ITSN2: variants seen among roughly 807,000 people sequenced by gnomAD.
ITSN2 encodes the protein intersectin 2.
In ITSN2, 156 loss-of-function variants were observed where a neutral mutation model predicts 243.7. The observed-to-expected ratio is 0.64, with a 90% confidence interval of 0.56 to 0.73. ITSN2 has a LOEUF of 0.73. ITSN2 is among the 30% of genes least tolerant of loss of function. ITSN2 has a pLI of 0.00. For synonymous variants in ITSN2, 703 were observed against 699.9 expected (o/e 1.00, Z -0.07); for missense variants, 1,801 against 1,996.1 (o/e 0.90, Z 1.86).
chr2:24,271,813 T>C lies in ITSN2; in HGVS notation c.2210A>G (p.Glu737Gly). The C allele has an allele frequency of 6.2e-7, 1 of 1,607,970 alleles. No individual in the cohort carries two copies. The highest frequency in any genetic ancestry group is 2.2e-5 in the East Asian group (1 of 44,780). ...KIQEEERKAE[E>G]KQRKDKDTLK... Reference sequence around the variant, plus strand: ...AGTATCCTTATCCTTACGTTGTTTCTCCTCAGCTTTCCGTTCCTCTTCTTG... The same window carrying C: ...AGTATCCTTATCCTTACGTTGTTTCCCCTCAGCTTTCCGTTCCTCTTCTTG... The change falls in exon 19 of 40, where the codon GAG becomes GGG. Residue 737 changes from glutamate (E) to glycine (G), a missense_variant. Physicochemically the swap from Glu to Gly is moderately conservative, Grantham distance 98 (BLOSUM62 -2). Coordinates refer to ENST00000355123, the MANE Select transcript of ITSN2 (RefSeq NM_006277.3).
intron 17 of ITSN2, among the ~76,000 whole-genome samples, chr2:24,282,828 T>C (rs536482696): frequency 6.6e-6 from 1 of 152,208 alleles, no homozygotes; most frequent in African/African-American, 2.4e-5. Context: ...TTCATAACCA[T>C]CTTCTCCCCG....
rs760932535 is a variant in ITSN2, at chr2:24,257,876, A to G, written c.2888+12T>C. On this transcript the variant is annotated intron_variant, in intron 23 of 39. Transcript: ENST00000355123. Reference sequence around the variant, plus strand: ...ACATCCACATCTCATGAAAACACATAAAGATGCTTACTCTTCCCGTTTTAC... The same window carrying G: ...ACATCCACATCTCATGAAAACACATGAAGATGCTTACTCTTCCCGTTTTAC... 3 of 1,598,140 alleles carry G rather than the reference A, an allele frequency of 1.9e-6. No homozygotes were observed. Among genetic ancestry groups the G allele is most frequent in the Non-Finnish European group, 2.6e-6 (3 of 1,165,570 alleles).
intron 23 of ITSN2, 48 bp downstream of exon 23, chr2:24,257,840 T>A: frequency 7.2e-7 from 1 of 1,394,158 alleles, no homozygotes. Context: ...GACTCATTAG[T>A]GAAAATACCA....
chr2:24,261,828 T>C (rs1454591111), intron 20 of ITSN2, 86 bp from the exon 21 acceptor site: 2 of 986,446 alleles, frequency 2.0e-6, no homozygotes, highest in Non-Finnish European at 2.9e-6. Context: ...TATAGTATTC[T>C]CATTTTCAGA....
rs756515465 is a variant in ITSN2, at chr2:24,301,226, T to C, written c.1009A>G (p.Ile337Val). 6.2e-7 allele frequency: 1 copy of C among 1,605,260 alleles called. No homozygotes were observed. Among genetic ancestry groups the C allele is most frequent in the Non-Finnish European group, 8.5e-7 (1 of 1,174,576 alleles). ...GGCAGAGTTCCATTAATGGAATCAA[T>C]TTGCTTTCCTCCTCTAAAAAAATCA... ...VPPSFRGGKQ[I>V]DSINGTLPSY... is the part of the protein sequence containing the mutation. The change falls in exon 11 of 40, where the codon ATT becomes GTT. Residue 337 changes from isoleucine (I) to valine (V), a missense_variant. Transcript: ENST00000355123.
At chr2:24,229,051 CA>C (rs1400669368) in intron 29 of ITSN2, among the ~76,000 whole-genome samples, 1 of 432 alleles carries the variant, frequency 2.3e-3, no homozygotes. Context: ...TTGCAACTAA[CA>C]GGAAAGCCTC....
intron 2 of ITSN2, among the ~76,000 whole-genome samples, chr2:24,315,990 T>C (rs912446805): frequency 1.4e-4 from 22 of 152,052 alleles, no homozygotes; most frequent in African/African-American, 5.1e-4. Flanking sequence ...GCACCAAGGA[T>C]GAGATAACAG....
chr2:24,358,080 A>AT (rs1688616614), intron 1 of ITSN2, among the ~76,000 whole-genome samples: 2 of 152,082 alleles, frequency 1.3e-5, no homozygotes, highest in Non-Finnish European at 2.9e-5. Flanking sequence ...TGCCAGGCTA[A>AT]TTTTTTGTAT....
chr2:24,207,075 C>T (rs1467128468), intron 37 of ITSN2, among the ~76,000 whole-genome samples: 3 of 151,852 alleles, frequency 2.0e-5, no homozygotes, highest in Non-Finnish European at 4.4e-5. Flanking sequence ...TGGGGATGGG[C>T]CCTGAGTGTG....
At chr2:24,360,985 G>T (rs1688947032), upstream of ITSN2, among the ~76,000 whole-genome samples, 1 of 152,194 alleles carries the variant, frequency 6.6e-6, no homozygotes, top group Non-Finnish European at 1.5e-5. Flanking sequence ...GGAATTGGGG[G>T]GTGGAAGGTG....
intron 4 of ITSN2, among the ~76,000 whole-genome samples, 173 bp from the exon 5 acceptor site, chr2:24,312,548 A>G (rs1401896710): frequency 2.0e-5 from 3 of 152,198 alleles, no homozygotes; most frequent in Non-Finnish European, 2.9e-5. Flanking sequence ...TAAAACCTAC[A>G]CTTTAAGAAA....
intron 1 of ITSN2, among the ~76,000 whole-genome samples, chr2:24,353,983 C>T (rs1181813651): frequency 6.6e-6 from 1 of 152,172 alleles, no homozygotes; most frequent in East Asian, 1.9e-4. Flanking sequence ...TTCAGTTAGA[C>T]CACATAATAA....
intron 37 of ITSN2, 145 bp from the exon 38 acceptor site, chr2:24,205,442 CTT>C: frequency 1.5e-6 from 1 of 646,516 alleles, no homozygotes; most frequent in South Asian, 1.7e-5. Context: ...TGCCCTGTGC[CTT>C]TCCCCAGGCT....
intron 20 of ITSN2, 38 bp from the exon 21 acceptor site, chr2:24,261,780 A>G (rs377243571): frequency 2.1e-5 from 31 of 1,453,320 alleles, no homozygotes; most frequent in African/African-American, 2.8e-5. Flanking sequence ...GTGCTTAGAA[A>G]TTCACACATT....
At chr2:24,350,968 G>C (rs749708650) in intron 1 of ITSN2, among the ~76,000 whole-genome samples, 1 of 152,084 alleles carries the variant, frequency 6.6e-6, no homozygotes, top group Non-Finnish European at 1.5e-5. Context: ...AAAAAACACT[G>C]AACTGTAAAC....
chr2:24,204,507 C>A lies in ITSN2; in HGVS notation c.4763-89G>T. 8.5e-7 allele frequency: 1 copy of A among 1,179,340 alleles called. No homozygotes were observed. Among genetic ancestry groups the A allele is most frequent in the Non-Finnish European group, 1.3e-6 (1 of 786,056 alleles). The allele number at this position is 1,179,340 out of a possible 1,614,324, so 73.1% of individuals were successfully genotyped here. A position where few individuals can be genotyped will look rare whatever the true frequency, so the allele number is the denominator to read the frequency against. ...CCCTCCCTGAGCAGAAGCAGGATTC[C>A]AATAATGGGTCACTCGAGACCATGG... On this transcript the variant is annotated intron_variant, in intron 38 of 39. Coordinates refer to ENST00000355123, the MANE Select transcript of ITSN2 (RefSeq NM_006277.3). This position sits in a 1 kb window ranked among gnomAD's most constrained non-coding sequence, Gnocchi z 5.1.
At chr2:24,203,860 G>A in intron 39 of ITSN2, 77 bp from the exon 40 acceptor site, 2 of 1,443,250 alleles carry the variant, frequency 1.4e-6, no homozygotes, top group Non-Finnish European at 1.9e-6. Flanking sequence ...GGAAGAAGTG[G>A]ATTCATAAAA....
chr2:24,303,231 G>T (rs1682020477), intron 9 of ITSN2, among the ~76,000 whole-genome samples: 1 of 152,128 alleles, frequency 6.6e-6, no homozygotes, highest in African/African-American at 2.4e-5. Context: ...ATTCCAGAAG[G>T]CATTGTTATC....
chr2:24,303,227 G>A (rs1274055043), intron 9 of ITSN2, among the ~76,000 whole-genome samples: 3 of 152,078 alleles, frequency 2.0e-5, no homozygotes, highest in East Asian at 3.8e-4. Flanking sequence ...AGAAATTCCA[G>A]AAGGCATTGT....
Sources: gnomAD v4.1 joint callset for allele counts (sites outside exome capture counted in the v4.1 genomes callset) on GRCh38, gnomAD v4.1.1 for gene constraint, Gnocchi (gnomAD v3.1) non-coding constraint, MANE v1.5 for transcripts, NCBI Gene and HGNC (gene_info 2026-07-23, HGNC 2026-07-21) for gene names.